Variants in NCAPD3 observed in about 807,000 individuals in gnomAD.
The protein encoded by NCAPD3 is condensin-2 complex subunit D3.
A neutral mutation model predicts 182.9 loss-of-function variants in NCAPD3; 105 were observed. The observed-to-expected ratio is 0.57, with a 90% CI of 0.49 to 0.68. The LOEUF is 0.68. NCAPD3 is among the 30% of genes least tolerant of loss of function. NCAPD3 has a pLI of 0.00. For missense variants in NCAPD3, 1,944 were observed against 1,837.0 expected, an observed-to-expected ratio of 1.06 and a Z score of -1.07; for synonymous variants, 815 against 679.9, an observed-to-expected ratio of 1.20 and a Z score of -3.09.
intron 16 of NCAPD3, among the ~76,000 whole-genome samples, chr11:134,187,191 C>T (rs1018094591): frequency 5.9e-5 from 9 of 152,192 alleles, no homozygotes; most frequent in African/African-American, 2.2e-4. Context: ...AACGGCCATG[C>T]TTCAGGCCCG....
rs545425831 is a variant in NCAPD3, at chr11:134,166,017, T to C, written c.3573+1979A>G. The stretch of plus-strand genomic sequence containing the variant: ...GAGAGCAGCACACTCACTTGTGAGA[T>C]GAGCTTGGGGGAGGCGCACACTCAC... On this transcript the variant is annotated intron_variant, in intron 27 of 34. Transcript: ENST00000534548. 6.3e-5 allele frequency among the ~76,000 whole-genome samples: 7 copies of C among 110,854 alleles called. No homozygotes were observed. The Admixed American group carries it at 7.4e-4, about 12-fold the overall frequency. 72.7% of individuals were successfully genotyped at this position (110,854 alleles called of 152,430 possible).
rs1943290313 is a variant in NCAPD3, at chr11:134,152,778, T to TACAGA, written c.*161_*165dup. 1 of 573,276 alleles carries TACAGA rather than the reference T, an allele frequency of 1.7e-6. No homozygotes were observed. The highest frequency in any genetic ancestry group is 2.8e-5 in the South Asian group (1 of 35,656). 35.5% of individuals were successfully genotyped at this position (573,276 alleles called of 1,614,324 possible). ...TGACAGTGTTTAACCAAATACATCATACAGAATAGAAGGTGAGTGCCAGGC... is the reference window on the plus strand; with the variant it reads ...TGACAGTGTTTAACCAAATACATCATACAGAACAGAATAGAAGGTGAGTGCCAGGC... On this transcript the variant is annotated 3_prime_UTR_variant, in exon 35 of 35. Transcript: ENST00000534548.
chr11:134,150,332 C>T lies in NCAPD3; in HGVS notation c.*2612G>A, dbSNP rs903964354. Reference sequence around the variant, plus strand: ...CTGAGATGACTAGGACAGTCTGTACCCAGAGGCCACCCAGAAGCCCTCAGA... The same window carrying T: ...CTGAGATGACTAGGACAGTCTGTACTCAGAGGCCACCCAGAAGCCCTCAGA... On this transcript the variant is annotated 3_prime_UTR_variant, in exon 35 of 35. Coordinates refer to ENST00000534548, the MANE Select transcript of NCAPD3 (RefSeq NM_015261.3). 2.6e-5 allele frequency: 4 copies of T among 152,270 alleles called. No individual in the cohort carries two copies. Among genetic ancestry groups the T allele is most frequent in the African/African-American group, 9.7e-5 (4 of 41,384 alleles). The allele number at this position is 152,270 out of a possible 1,614,324, so 9.4% of individuals were successfully genotyped here.
intron 3 of NCAPD3, among the ~76,000 whole-genome samples, chr11:134,214,952 C>CA: frequency 6.6e-6 from 1 of 152,140 alleles, no homozygotes; most frequent in Non-Finnish European, 1.5e-5. Flanking sequence ...TGAATATAGA[C>CA]AAAAAACCTT....
chr11:134,163,229 T>C (rs887336915), intron 27 of NCAPD3, among the ~76,000 whole-genome samples: 4 of 152,184 alleles, frequency 2.6e-5, no homozygotes, highest in Non-Finnish European at 4.4e-5. Flanking sequence ...ATAACATATG[T>C]AATAAATTTA....
At chr11:134,176,038 C>T (rs533052113) in intron 24 of NCAPD3, among the ~76,000 whole-genome samples, 10 of 152,106 alleles carry the variant, frequency 6.6e-5, no homozygotes, top group Middle Eastern at 3.4e-3. Flanking sequence ...ATTCTTCAAG[C>T]TCCTTCAGGA....
chr11:134,209,354 A>T lies in NCAPD3; in HGVS notation c.691T>A (p.Ser231Thr). ...KNFLRLLPKF[S>T]LKEKPQCVQN... The stretch of plus-strand genomic sequence containing the variant: ...ACACATTGTGGCTTTTCTTTCAAGG[A>T]AAACTTTGGCAGAAGCCTTAAAAAA... The change falls in exon 5 of 35, where the codon TCC becomes ACC. Residue 231 changes from serine to threonine, a missense_variant. Physicochemically the swap from Ser to Thr is moderately conservative, Grantham distance 58. Coordinates refer to ENST00000534548, the MANE Select transcript of NCAPD3 (RefSeq NM_015261.3). The T allele has an allele frequency of 6.2e-7, 1 of 1,614,130 alleles. No individual in the cohort carries two copies. The highest frequency in any genetic ancestry group is 8.5e-7 in the Non-Finnish European group (1 of 1,180,016).
chr11:134,166,344 T>G (rs1197486404), intron 27 of NCAPD3, among the ~76,000 whole-genome samples: 1 of 11,898 alleles, frequency 8.4e-5, no homozygotes, highest in Non-Finnish European at 1.3e-4. Flanking sequence ...ACTAGTGAGA[T>G]GAGCTTGGGG....
chr11:134,156,405 A>G (rs922007014), intron 32 of NCAPD3, among the ~76,000 whole-genome samples: 2 of 152,222 alleles, frequency 1.3e-5, no homozygotes, highest in Admixed American at 1.3e-4. Flanking sequence ...TCTTCCTGTA[A>G]GAGTTTTCTC....
chr11:134,206,721 A>G lies in NCAPD3; in HGVS notation c.894T>C (p.Cys298=). Reference sequence around the variant, plus strand: ...TTACACTGAGCATTTGATGGAAAACACAACTGATGACCTAGAAGAGAAAAG... The same window carrying G: ...TTACACTGAGCATTTGATGGAAAACGCAACTGATGACCTAGAAGAGAAAAG... ...IHGEGDKVIS[C]VFHQMLSVIL... is the part of the protein sequence containing the mutation. Residue 298 remains cysteine (C), a synonymous_variant, in exon 8 of 35, where the codon TGT becomes TGC. Transcript: ENST00000534548. 2 of 1,608,520 alleles carry G rather than the reference A, an allele frequency of 1.2e-6. No individual in the cohort carries two copies. The highest frequency in any genetic ancestry group is 1.7e-6 in the Non-Finnish European group (2 of 1,178,076).
intron 27 of NCAPD3, among the ~76,000 whole-genome samples, chr11:134,162,553 T>C (rs1455025958): frequency 6.6e-6 from 1 of 152,262 alleles, no homozygotes; most frequent in Admixed American, 6.5e-5. Context: ...AAGCTGAAAC[T>C]ACTCTTTTCC....
At position 134,185,335 on chromosome 11, in the gene NCAPD3, C is replaced by G; in HGVS notation, c.2237G>C (p.Ser746Thr). The change falls in exon 17 of 35, where the codon AGT (serine) becomes ACT (threonine). Residue 746 changes from serine to threonine, a missense_variant and splice_region_variant. Physicochemically the swap from Ser to Thr is moderately conservative, Grantham distance 58. Around this residue, in one of 3 missense-constraint regions of NCAPD3, gnomAD observed 1,803 missense variants for 1,674.6 expected, o/e 1.08. Coordinates refer to ENST00000534548, the MANE Select transcript of NCAPD3 (RefSeq NM_015261.3). ...ACTGGTTAAATTAGAAGATACAAACCTGCTGATTTTCTCCCAAGATTGTAT... is the reference window on the plus strand; with the variant it reads ...ACTGGTTAAATTAGAAGATACAAACGTGCTGATTTTCTCCCAAGATTGTAT... ...RIIQSWEKISSQQNPNSNTLG... is the reference protein window; with the variant it reads ...RIIQSWEKISTQQNPNSNTLG... 6.2e-7 allele frequency: 1 copy of G among 1,600,822 alleles called. No individual in the cohort carries two copies. Among genetic ancestry groups the G allele is most frequent in the Non-Finnish European group, 8.5e-7 (1 of 1,174,208 alleles).
At chr11:134,197,447 T>C (rs1394449677) in intron 13 of NCAPD3, among the ~76,000 whole-genome samples, 2 of 152,088 alleles carry the variant, frequency 1.3e-5, no homozygotes, top group Non-Finnish European at 2.9e-5. Context: ...CAGCTAATTT[T>C]TGTATTTTTG....
rs1943479025 is a variant in NCAPD3, at chr11:134,158,177, CTCAT to C, written c.4035-114_4035-111del. The C allele has an allele frequency of 1.1e-5, 16 of 1,518,786 alleles. No homozygotes were observed. The East Asian group carries it at 1.8e-4, about 17-fold the overall frequency. 94.1% of individuals were successfully genotyped at this position (1,518,786 alleles called of 1,614,324 possible). A position where few individuals can be genotyped will look rare whatever the true frequency, so the allele number is the denominator to read the frequency against. On this transcript the variant is annotated intron_variant, in intron 30 of 34. Coordinates refer to ENST00000534548, the MANE Select transcript of NCAPD3 (RefSeq NM_015261.3). ...CCTCACCGGCGCATCCCTCACCACC[CTCAT>C]TCAAACCTCCCAGGGCACAGTGTGG... is the stretch of plus-strand genomic sequence containing the variant.
chr11:134,213,637 A>G (rs1193898204), intron 3 of NCAPD3, among the ~76,000 whole-genome samples: 1 of 151,874 alleles, frequency 6.6e-6, no homozygotes, highest in Admixed American at 6.6e-5. Context: ...TTAAAAAAAA[A>G]AAAAAGAAAA....
At chr11:134,193,845 G>A (rs1252452265) in intron 15 of NCAPD3, among the ~76,000 whole-genome samples, 171 bp downstream of exon 15, 6 of 152,232 alleles carry the variant, frequency 3.9e-5, no homozygotes, top group African/African-American at 9.6e-5. Flanking sequence ...AGGAAGCACA[G>A]TCTATCACAC....
At chr11:134,173,674 T>C (rs1298212809) in intron 24 of NCAPD3, 1 of 152,498 alleles carries the variant, frequency 6.6e-6, no homozygotes, top group Non-Finnish European at 1.5e-5. Flanking sequence ...GAAGTCCAGC[T>C]GGTGCACACA....
At chr11:134,214,370 G>A (rs1937943754) in intron 3 of NCAPD3, among the ~76,000 whole-genome samples, 1 of 152,160 alleles carries the variant, frequency 6.6e-6, no homozygotes, top group Non-Finnish European at 1.5e-5. Context: ...CTGCACAACA[G>A]TAAAAACATA....
At position 134,202,689 on chromosome 11, in the gene NCAPD3, A is replaced by G. The variant is rs1591854761; in HGVS notation, c.1615+127T>C. On this transcript the variant is annotated intron_variant, in intron 13 of 34. Transcript: ENST00000534548. ...CAGGCATGAGTCACCACGCCCAGCCAGCTGTTTCAACTCTTAGGGGTGAAT... is the reference window on the plus strand; with the variant it reads ...CAGGCATGAGTCACCACGCCCAGCCGGCTGTTTCAACTCTTAGGGGTGAAT... 25 of 658,280 alleles carry G rather than the reference A, an allele frequency of 3.8e-5. No homozygotes were observed. In the East Asian group the frequency reaches 6.9e-4, roughly 18 times the overall value. The allele number at this position is 658,280 out of a possible 1,614,324, so 40.8% of individuals were successfully genotyped here.
Sources: gnomAD v4.1 joint callset for allele counts (sites outside exome capture counted in the v4.1 genomes callset) on GRCh38, gnomAD v4.1.1 for gene constraint, gnomAD v4.1.1 regional missense constraint, MANE v1.5 for transcripts, NCBI Gene and HGNC (gene_info 2026-07-23, HGNC 2026-07-21) for gene names.